Variants in FBXO31 observed in about 807,000 individuals in gnomAD.
FBXO31 encodes F-box only protein 31.
FBXO31 carries 24 observed loss-of-function variants against 54.4 expected under a neutral mutation model. The observed-to-expected ratio is 0.44, with a 90% CI of 0.32 to 0.62. The LOEUF is 0.62. Ranked by LOEUF, FBXO31 falls within the 20% of genes least tolerant of loss-of-function variation. FBXO31 has a pLI of 0.05. For synonymous variants in FBXO31, 388 were observed against 335.6 expected (o/e 1.16, Z -1.71); for missense variants, 665 against 787.1 (o/e 0.84, Z 1.86).
At chr16:87,342,265 G>A (rs1400424307) in intron 5 of FBXO31, among the ~76,000 whole-genome samples, 1 of 152,108 alleles carries the variant, frequency 6.6e-6, no homozygotes, top group African/African-American at 2.4e-5. Flanking sequence ...ATGTTGCCCA[G>A]GCTGGTTTTG....
At chr16:87,356,904 A>G (rs1376626675) in intron 2 of FBXO31, among the ~76,000 whole-genome samples, 2 of 152,170 alleles carry the variant, frequency 1.3e-5, no homozygotes, top group Non-Finnish European at 2.9e-5. Flanking sequence ...CTTTCTGGAC[A>G]GCTGAAATTC....
At chr16:87,361,234 T>C (rs1449766908) in intron 1 of FBXO31, among the ~76,000 whole-genome samples, 3 of 152,140 alleles carry the variant, frequency 2.0e-5, no homozygotes, top group East Asian at 3.9e-4. Flanking sequence ...AGCAGTCCCA[T>C]AAGAGAGTCA....
intron 3 of FBXO31, among the ~76,000 whole-genome samples, chr16:87,344,877 CCCAAACCCCACCT>C (rs1291800754): frequency 1.6e-4 from 25 of 152,062 alleles, no homozygotes; most frequent in African/African-American, 5.8e-4. Context: ...CCATCCCTGC[CCCAAACCCCACCT>C]CCGGCAGCGC....
At chr16:87,373,824 T>C (rs1906706635) in intron 1 of FBXO31, among the ~76,000 whole-genome samples, 1 of 152,198 alleles carries the variant, frequency 6.6e-6, no homozygotes, top group African/African-American at 2.4e-5. Context: ...AGAACAGAAA[T>C]AGCACTTTCT....
intron 5 of FBXO31, among the ~76,000 whole-genome samples, chr16:87,337,899 T>C (rs1012454478): frequency 2.6e-5 from 4 of 151,666 alleles, no homozygotes; most frequent in African/African-American, 9.7e-5. Flanking sequence ...TTTTTTAGGA[T>C]TCAGAAAATA....
chr16:87,334,278 G>A lies in FBXO31; in HGVS notation c.1005C>T (p.Pro335=), dbSNP rs754311171. ...RARGTKITGD[P]NIPAGQQTVE... is the part of the protein sequence containing the mutation. ...CTGTCTGCTGCCCAGCGGGGATGTT[G>A]GGGTCGCCCTGTGGAGCAGGTGGCA... Residue 335 remains proline, a synonymous_variant, in exon 8 of 9, where the codon CCC becomes CCT. Transcript: ENST00000311635. 2 of 1,576,564 alleles carry A rather than the reference G, an allele frequency of 1.3e-6. No individual in the cohort carries two copies. The highest frequency in any genetic ancestry group is 1.7e-5 in the Admixed American group (1 of 57,442).
At chr16:87,390,108 C>T (rs149648521), upstream of FBXO31, among the ~76,000 whole-genome samples, 708 of 152,214 alleles carry the variant, frequency 4.7e-3, 7 homozygotes, top group African/African-American at 0.016. Flanking sequence ...TGGTGACACC[C>T]TCTCTCTACT....
intron 1 of FBXO31, chr16:87,367,860 C>T (rs896218539): frequency 6.6e-6 from 1 of 152,206 alleles, no homozygotes; most frequent in African/African-American, 2.4e-5. Flanking sequence ...CAATACTGTT[C>T]CTGAGGCAGT....
rs1476136411 is a variant in FBXO31, at chr16:87,336,121, G to A, written c.842+34C>T. On this transcript the variant is annotated intron_variant, in intron 6 of 8. Coordinates refer to ENST00000311635, the MANE Select transcript of FBXO31 (RefSeq NM_024735.5). This position sits in a 1 kb window ranked among gnomAD's most constrained non-coding sequence, Gnocchi z 6.5. ...TGGTCCCCAGCACACACCAGGAGAGGGCTACCCCAGCACCGAGCAGGAGCC... is the reference window on the plus strand; with the variant it reads ...TGGTCCCCAGCACACACCAGGAGAGAGCTACCCCAGCACCGAGCAGGAGCC... 1.3e-6 allele frequency: 2 copies of A among 1,578,152 alleles called. No individual in the cohort carries two copies. The highest frequency in any genetic ancestry group is 1.3e-5 in the African/African-American group (1 of 74,194).
At chr16:87,347,305 A>G in intron 2 of FBXO31, 55 bp from the exon 3 acceptor site, 1 of 1,514,116 alleles carries the variant, frequency 6.6e-7, no homozygotes, top group Non-Finnish European at 9.2e-7. Flanking sequence ...TGCCGCAGGG[A>G]GCCCAGGAAC....
chr16:87,360,329 G>T lies in FBXO31; in HGVS notation c.378C>A (p.Ile126=). ...GVCENLRKLE[I]TGVSCRDVYA... ...AGACGTCCCGACAAGACACGCCTGT[G>T]ATCTCCAGCTTCCGCAAGTTTTCGC... is the stretch of plus-strand genomic sequence containing the variant. The change falls in exon 2 of 9, where the codon ATC becomes ATA. Residue 126 remains isoleucine (I), a synonymous_variant. Coordinates refer to ENST00000311635, the MANE Select transcript of FBXO31 (RefSeq NM_024735.5). 6.2e-7 allele frequency: 1 copy of T among 1,614,188 alleles called. No individual in the cohort carries two copies. Among genetic ancestry groups the T allele is most frequent in the Non-Finnish European group, 8.5e-7 (1 of 1,180,038 alleles).
chr16:87,350,139 G>A (rs1353083047), intron 2 of FBXO31, among the ~76,000 whole-genome samples: 1 of 152,064 alleles, frequency 6.6e-6, no homozygotes. Context: ...TGCAGGCAGT[G>A]GGGGCCATGG....
intron 1 of FBXO31, among the ~76,000 whole-genome samples, chr16:87,379,491 A>T (rs2150698498): frequency 6.6e-6 from 1 of 152,280 alleles, no homozygotes; most frequent in South Asian, 2.1e-4. Flanking sequence ...GGGAACAATA[A>T]ATGTTAATTA....
intron 2 of FBXO31, among the ~76,000 whole-genome samples, chr16:87,352,363 T>A (rs1485112047): frequency 2.6e-5 from 4 of 152,168 alleles, no homozygotes; most frequent in Non-Finnish European, 4.4e-5. Context: ...CGCTACCTCT[T>A]ACTAAATGTT....
At chr16:87,379,841 G>C (rs1906996108) in intron 1 of FBXO31, among the ~76,000 whole-genome samples, 1 of 151,694 alleles carries the variant, frequency 6.6e-6, no homozygotes, top group Non-Finnish European at 1.5e-5. Flanking sequence ...GCCCGCCTTG[G>C]CCTCCCAAAG....
chr16:87,384,900 C>T (rs1053468840), upstream of FBXO31, among the ~76,000 whole-genome samples: 33 of 148,994 alleles, frequency 2.2e-4, no homozygotes, highest in South Asian at 1.7e-3. Context: ...AATGGCTGGG[C>T]GCGGTGGCTC....
chr16:87,356,786 C>A (rs1337767573), intron 2 of FBXO31, among the ~76,000 whole-genome samples: 2 of 152,198 alleles, frequency 1.3e-5, no homozygotes, highest in African/African-American at 4.8e-5. Flanking sequence ...TCCCAACAGA[C>A]CATGCTGACC....
At chr16:87,379,276 A>G (rs1165381703) in intron 1 of FBXO31, among the ~76,000 whole-genome samples, 1 of 152,150 alleles carries the variant, frequency 6.6e-6, no homozygotes, top group Admixed American at 6.5e-5. Context: ...GAAAATCTAC[A>G]GGGAAAGGAC....
intron 2 of FBXO31, among the ~76,000 whole-genome samples, chr16:87,347,893 T>C (rs1359178767): frequency 5.9e-5 from 9 of 152,166 alleles, no homozygotes; most frequent in Admixed American, 5.9e-4. Flanking sequence ...CTACAAGGCA[T>C]GTCATAAGCA....
Sources: allele counts gnomAD v4.1 joint callset (sites outside exome capture counted in the v4.1 genomes callset), GRCh38; gene constraint gnomAD v4.1.1; non-coding constraint Gnocchi (gnomAD v3.1); transcripts MANE v1.5; gene names NCBI Gene and HGNC (gene_info 2026-07-23, HGNC 2026-07-21).